The following LRP6 variants were observed in gnomAD, a reference collection of about 807,000 sequenced individuals.
LRP6 encodes LDL receptor related protein 6.
LRP6 carries 43 observed loss-of-function variants against 184.1 expected under a neutral mutation model. That is an observed-to-expected ratio of 0.23 (90% CI 0.18 to 0.30). The LOEUF is 0.30. Among genes scored for constraint, LRP6 ranks in the 10% least tolerant of loss-of-function variants. LRP6 has a pLI of 1.00. For synonymous variants in LRP6, 719 were observed against 684.9 expected (o/e 1.05, Z -0.78); for missense variants, 1,571 against 2,005.3 (o/e 0.78, Z 4.14).
chr12:12,254,143 C>CAAAAAAAAAAAAAAAA (rs34210761), intron 1 of LRP6, among the ~76,000 whole-genome samples: 29 of 74,268 alleles, frequency 3.9e-4, no homozygotes, highest in Non-Finnish European at 4.7e-4. Context: ...GACTCTGTCT[C>CAAAAAAAAAAAAAAAA]AAAAAAAAAA....
chr12:12,264,164 C>T (rs979689937), intron 1 of LRP6, among the ~76,000 whole-genome samples: 8 of 151,726 alleles, frequency 5.3e-5, no homozygotes, highest in Non-Finnish European at 1.5e-5. Flanking sequence ...AAATTGTGAA[C>T]GTTATACAAA....
At chr12:12,186,171 T>C (rs1863469227) in intron 4 of LRP6, among the ~76,000 whole-genome samples, 1 of 152,094 alleles carries the variant, frequency 6.6e-6, no homozygotes, top group Admixed American at 6.5e-5. Flanking sequence ...TTAAACACAC[T>C]CACATCAACA....
Position 12,165,125 on chromosome 12 carries a change from C to G in LRP6, c.1716G>C (p.Leu572=), listed in dbSNP as rs766093690. ...TAGCCTTTAGGCCCATGAGGTCAGG[C>G]AGCTGATCTATGATCACTTCCCTCT... ...SAEREVIIDQ[L]PDLMGLKATN... The change falls in exon 8 of 23, where the codon CTG becomes CTC. Residue 572 remains leucine (L), a synonymous_variant. Coordinates refer to ENST00000261349, the MANE Select transcript of LRP6 (RefSeq NM_002336.3). 1.9e-6 allele frequency: 3 copies of G among 1,613,926 alleles called. No homozygotes were observed. Among genetic ancestry groups the G allele is most frequent in the South Asian group, 2.2e-5 (2 of 91,082 alleles).
In LRP6 at chr12:12,138,637, G is replaced by GAA. The variant is rs149474286; in HGVS notation, c.3398-105_3398-104dup. The stretch of plus-strand genomic sequence containing the variant: ...AGTTAGATTCTACAGGTAGAGAAAA[G>GAA]AAAAAAAAAACAAGATCTCTACCAC... On this transcript the variant is annotated intron_variant, in intron 15 of 22. Transcript: ENST00000261349. 186 of 1,116,682 alleles carry GAA rather than the reference G, an allele frequency of 1.7e-4. No homozygotes were observed. In the African/African-American group the frequency reaches 2.0e-3, roughly 12 times the overall value. The allele number at this position is 1,116,682 out of a possible 1,614,324, so 69.2% of individuals were successfully genotyped here. A position where few individuals can be genotyped will look rare whatever the true frequency, so the allele number is the denominator to read the frequency against.
chr12:12,169,234 G>GATAATAATAATAATAATAATAATA (rs544964479), intron 7 of LRP6, among the ~76,000 whole-genome samples: 1 of 148,706 alleles, frequency 6.7e-6, no homozygotes, highest in Non-Finnish European at 1.5e-5. Context: ...GCCTCAAAAT[G>GATAATAATAATAATAATAATAATA]ATAATAATAA....
intron 15 of LRP6, among the ~76,000 whole-genome samples, chr12:12,144,442 G>C (rs972734393): frequency 6.6e-6 from 1 of 152,216 alleles, no homozygotes; most frequent in Non-Finnish European, 1.5e-5. Flanking sequence ...CCAGGAGTTT[G>C]AGACTAGCCT....
intron 2 of LRP6, among the ~76,000 whole-genome samples, chr12:12,233,134 A>AT (rs1864834580): frequency 6.6e-6 from 1 of 152,148 alleles, no homozygotes; most frequent in Admixed American, 6.5e-5. Flanking sequence ...CAAGTAACAC[A>AT]GGGGGATAAA....
At chr12:12,226,049 C>G (rs1161265545) in intron 2 of LRP6, among the ~76,000 whole-genome samples, 1 of 152,150 alleles carries the variant, frequency 6.6e-6, no homozygotes, top group Non-Finnish European at 1.5e-5. Flanking sequence ...CCCGTCTACA[C>G]AGAAGAAGAG....
intron 11 of LRP6, 120 bp from the exon 12 acceptor site, chr12:12,159,275 G>A (rs1862681943): frequency 9.5e-6 from 7 of 738,330 alleles, no homozygotes; most frequent in Non-Finnish European, 1.4e-5. Context: ...TACATTGTAA[G>A]CAATTTAAAA....
At chr12:12,206,309 G>A (rs559144980) in intron 2 of LRP6, among the ~76,000 whole-genome samples, 3 of 151,506 alleles carry the variant, frequency 2.0e-5, no homozygotes, top group Non-Finnish European at 2.9e-5. Flanking sequence ...TTGGGAGGCC[G>A]AGGCGGGCAG....
intron 2 of LRP6, among the ~76,000 whole-genome samples, chr12:12,205,582 G>A (rs1011315072): frequency 6.6e-6 from 1 of 152,058 alleles, no homozygotes; most frequent in African/African-American, 2.4e-5. Context: ...TAGATACAAG[G>A]CACTGTGCTA....
intron 2 of LRP6, among the ~76,000 whole-genome samples, chr12:12,220,784 G>A (rs1030078646): frequency 6.6e-6 from 1 of 151,954 alleles, no homozygotes; most frequent in Non-Finnish European, 1.5e-5. Context: ...ATTTTTAGGA[G>A]ACACAGGGTT....
intron 3 of LRP6, among the ~76,000 whole-genome samples, chr12:12,193,537 A>C (rs184531886): frequency 6.6e-6 from 1 of 152,140 alleles, no homozygotes; most frequent in Non-Finnish European, 1.5e-5. Flanking sequence ...CTGTGAATAA[A>C]GTGATGAATG....
chr12:12,218,392 G>A (rs1369491233), intron 2 of LRP6, among the ~76,000 whole-genome samples: 20 of 151,508 alleles, frequency 1.3e-4, no homozygotes, highest in Admixed American at 9.9e-4. Context: ...TGGGAGAATC[G>A]CTTGAGCCCA....
chr12:12,209,815 GC>G, intron 2 of LRP6, among the ~76,000 whole-genome samples: 1 of 152,250 alleles, frequency 6.6e-6, no homozygotes, highest in East Asian at 1.9e-4. Flanking sequence ...CAAAACTATT[GC>G]CCTTACGAAA....
At chr12:12,145,058 TA>T (rs1018626947) in intron 15 of LRP6, among the ~76,000 whole-genome samples, 3 of 148,546 alleles carry the variant, frequency 2.0e-5, no homozygotes, top group East Asian at 2.0e-4. Context: ...AACTTATAAT[TA>T]AAAAAAAAAC....
intron 1 of LRP6, among the ~76,000 whole-genome samples, chr12:12,258,331 A>T (rs1865522559): frequency 6.6e-6 from 1 of 152,124 alleles, no homozygotes; most frequent in Non-Finnish European, 1.5e-5. Context: ...TGAACTCCTG[A>T]CCTCAAGTGA....
intron 12 of LRP6, among the ~76,000 whole-genome samples, chr12:12,156,456 T>C (rs181274463): frequency 5.9e-5 from 9 of 152,278 alleles, no homozygotes; most frequent in Non-Finnish European, 1.0e-4. Flanking sequence ...GAAGGGGTTA[T>C]GAAATGTGGG....
Position 12,186,939 on chromosome 12 carries a change from T to C in LRP6, c.828A>G (p.Gln276=). Reference sequence around the variant, plus strand: ...ATCACTTACCATTTGGCTGCCTCTGTTGGCTGAAGGCATGTATATCCATGG... The same window carrying C: ...ATCACTTACCATTTGGCTGCCTCTGCTGGCTGAAGGCATGTATATCCATGG... ...FSPMDIHAFS[Q]QRQPNATNPC... The change falls in exon 4 of 23, where the codon CAA becomes CAG. Residue 276 remains glutamine, a synonymous_variant. Transcript: ENST00000261349. 1.2e-6 allele frequency: 2 copies of C among 1,614,188 alleles called. No individual in the cohort carries two copies. Among genetic ancestry groups the C allele is most frequent in the Non-Finnish European group, 1.7e-6 (2 of 1,179,996 alleles).
Sources: allele counts gnomAD v4.1 joint callset (sites outside exome capture counted in the v4.1 genomes callset), GRCh38; gene constraint gnomAD v4.1.1; transcripts MANE v1.5; gene names NCBI Gene and HGNC (gene_info 2026-07-23, HGNC 2026-07-21).